PTBP2: variants seen among roughly 807,000 people sequenced by gnomAD.
The protein encoded by PTBP2 is polypyrimidine tract-binding protein 2.
A neutral mutation model predicts 61.4 loss-of-function variants in PTBP2; 13 were observed. The ratio of observed to expected loss-of-function variants is 0.21; its 90% confidence interval spans 0.14 to 0.34. The LOEUF is 0.34. Among genes scored for constraint, PTBP2 ranks in the 10% least tolerant of loss-of-function variants. The pLI, the probability that PTBP2 is intolerant of heterozygous loss-of-function variation, is 1.00. For missense variants in PTBP2, 405 were observed against 642.6 expected, an observed-to-expected ratio of 0.63 and a Z score of 4.00; for synonymous variants, 215 against 218.5, an observed-to-expected ratio of 0.98 and a Z score of 0.14.
intron 2 of PTBP2, among the ~76,000 whole-genome samples, chr1:96,736,710 G>A (rs963042013): frequency 2.0e-5 from 3 of 151,950 alleles, no homozygotes; most frequent in African/African-American, 7.3e-5. Flanking sequence ...TTAAGATAGG[G>A]TCTTGCTCTG....
intron 11 of PTBP2, among the ~76,000 whole-genome samples, chr1:96,810,651 G>A (rs1448379481): frequency 6.6e-6 from 1 of 152,042 alleles, no homozygotes; most frequent in Non-Finnish European, 1.5e-5. Flanking sequence ...TGTTTGTGCT[G>A]TCTTTTTATT....
chr1:96,792,606 A>C (rs984881996), intron 8 of PTBP2, among the ~76,000 whole-genome samples: 2 of 152,098 alleles, frequency 1.3e-5, no homozygotes, highest in Non-Finnish European at 1.5e-5. Flanking sequence ...TTTTTTTTAC[A>C]TACTAAGATA....
At chr1:96,809,201 T>G (rs1354816693) in intron 11 of PTBP2, among the ~76,000 whole-genome samples, 1 of 152,164 alleles carries the variant, frequency 6.6e-6, no homozygotes, top group Non-Finnish European at 1.5e-5. Context: ...AATTCACTTT[T>G]CTGAATTACA....
exon 14 of PTBP2, chr1:96,823,652 A>G (rs1380025421): frequency 1.3e-5 from 2 of 152,194 alleles, no homozygotes; most frequent in African/African-American, 2.4e-5. Context: ...TTGAAAATTC[A>G]CCATACATTA....
intron 8 of PTBP2, among the ~76,000 whole-genome samples, chr1:96,791,826 C>CTTTTTTTTGTTTTT (rs1482989030): frequency 1.7e-4 from 11 of 66,126 alleles, no homozygotes; most frequent in South Asian, 5.7e-4. Flanking sequence ...TGGAGTTGTG[C>CTTTTTTTTGTTTTT]TTTTTTTTTT....
At chr1:96,759,422 A>C (rs1434850596) in intron 3 of PTBP2, among the ~76,000 whole-genome samples, 5 of 152,248 alleles carry the variant, frequency 3.3e-5, no homozygotes, top group South Asian at 2.1e-4. Flanking sequence ...GGAATAACTC[A>C]TGCATTAAAG....
chr1:96,823,356 C>G (rs1205229005), exon 14 of PTBP2: 1 of 152,198 alleles, frequency 6.6e-6, no homozygotes, highest in Non-Finnish European at 1.5e-5. Flanking sequence ...TCACTCTATA[C>G]TATTGCTGCT....
At chr1:96,823,662 ACTAC>A (rs1310399102) in exon 14 of PTBP2, 7 of 152,290 alleles carry the variant, frequency 4.6e-5, no homozygotes, top group African/African-American at 1.7e-4. Context: ...ACCATACATT[ACTAC>A]CTATGTCTCT....
At chr1:96,818,848 C>CA (rs928254346), downstream of PTBP2, 1 of 151,962 alleles carries the variant, frequency 6.6e-6, no homozygotes, top group African/African-American at 2.4e-5. Flanking sequence ...TTCTAGAGAT[C>CA]AAATGAATAG....
intron 2 of PTBP2, among the ~76,000 whole-genome samples, chr1:96,729,609 T>C (rs190866358): frequency 4.8e-4 from 73 of 152,322 alleles, no homozygotes; most frequent in African/African-American, 1.6e-3. Flanking sequence ...TTAATAGATA[T>C]AGGGCTATTC....
At chr1:96,818,053 G>C (rs1468548909), downstream of PTBP2, 2 of 151,884 alleles carry the variant, frequency 1.3e-5, no homozygotes, top group East Asian at 3.9e-4. Flanking sequence ...CTATATCATT[G>C]GTATTTTAGA....
At chr1:96,741,481 C>T (rs897178320) in intron 2 of PTBP2, among the ~76,000 whole-genome samples, 5 of 151,942 alleles carry the variant, frequency 3.3e-5, no homozygotes, top group African/African-American at 9.7e-5. Context: ...AGGTTTGTTG[C>T]GAACTCCCAG....
intron 8 of PTBP2, among the ~76,000 whole-genome samples, chr1:96,789,182 T>G (rs188488053): frequency 2.6e-5 from 4 of 152,192 alleles, no homozygotes; most frequent in South Asian, 2.1e-4. Context: ...CAAAGAGTGT[T>G]TATTTTAGAG....
intron 2 of PTBP2, among the ~76,000 whole-genome samples, chr1:96,743,705 A>G (rs979165866): frequency 6.6e-6 from 1 of 152,176 alleles, no homozygotes. Flanking sequence ...AGTATAATCA[A>G]TATGAGTTCC....
intron 3 of PTBP2, among the ~76,000 whole-genome samples, chr1:96,754,061 ACTC>A (rs1654881502): frequency 6.6e-6 from 1 of 152,108 alleles, no homozygotes; most frequent in African/African-American, 2.4e-5. Flanking sequence ...GCTCAGGTAA[ACTC>A]CTCATGTAGG....
At chr1:96,820,722 A>G (rs1308652789) in exon 14 of PTBP2, 1 of 151,894 alleles carries the variant, frequency 6.6e-6, no homozygotes, top group Non-Finnish European at 1.5e-5. Context: ...GTGTCTATAT[A>G]TTTCTTAACC....
intron 5 of PTBP2, among the ~76,000 whole-genome samples, chr1:96,775,020 C>T (rs1203173232): frequency 6.6e-6 from 1 of 152,184 alleles, no homozygotes; most frequent in East Asian, 1.9e-4. Context: ...CTTCCTCCAC[C>T]TCACACTTCA....
intron 3 of PTBP2, among the ~76,000 whole-genome samples, chr1:96,752,840 A>G (rs575187681): frequency 1.3e-5 from 2 of 152,124 alleles, no homozygotes; most frequent in Non-Finnish European, 2.9e-5. Context: ...TGTTGTTTGG[A>G]AGTGATGAGC....
chr1:96,799,970 C>A (rs1010413522), intron 8 of PTBP2, among the ~76,000 whole-genome samples: 3 of 152,160 alleles, frequency 2.0e-5, no homozygotes, highest in African/African-American at 7.2e-5. Flanking sequence ...TTAGACTACT[C>A]CAGTGATTTA....
Sources: gnomAD v4.1 joint callset for allele counts (sites outside exome capture counted in the v4.1 genomes callset) on GRCh38, gnomAD v4.1.1 for gene constraint, MANE v1.5 for transcripts, NCBI Gene and HGNC (gene_info 2026-07-23, HGNC 2026-07-21) for gene names.